Variants in PTPRK observed in about 807,000 individuals in gnomAD.
The protein encoded by PTPRK is protein tyrosine phosphatase receptor type K, also known as receptor-type tyrosine-protein phosphatase kappa.
Under a neutral mutation model 178.0 loss-of-function variants are expected in PTPRK, and 75 were observed. The ratio of observed to expected loss-of-function variants is 0.42; its 90% confidence interval spans 0.35 to 0.51. The LOEUF is 0.51. Among genes scored for constraint, PTPRK ranks in the 20% least tolerant of loss-of-function variants. The pLI, the probability that PTPRK is intolerant of heterozygous loss-of-function variation, is 0.02. For synonymous variants in PTPRK, 637 were observed against 620.6 expected, an observed-to-expected ratio of 1.03 and a Z score of -0.39; for missense variants, 1,441 against 1,797.8, an observed-to-expected ratio of 0.80 and a Z score of 3.59.
intron 5 of PTPRK, among the ~76,000 whole-genome samples, chr6:128,234,592 T>C (rs978560964): frequency 3.9e-5 from 6 of 152,258 alleles, no homozygotes; most frequent in Admixed American, 1.3e-4. Context: ...GACCTTTTTG[T>C]GTCTGTCCTC....
At chr6:128,145,860 T>C (rs996022174) in intron 7 of PTPRK, among the ~76,000 whole-genome samples, 2 of 152,222 alleles carry the variant, frequency 1.3e-5, no homozygotes, top group Admixed American at 6.5e-5. Context: ...CTGAAAGTTA[T>C]TAACTGATTT....
intron 7 of PTPRK, among the ~76,000 whole-genome samples, chr6:128,132,275 T>C (rs568711442): frequency 2.0e-4 from 31 of 152,134 alleles, no homozygotes; most frequent in Non-Finnish European, 4.4e-4. Context: ...GCCGGGTTCA[T>C]GCCATTCTCC....
intron 3 of PTPRK, among the ~76,000 whole-genome samples, chr6:128,282,984 C>T (rs1296157434): frequency 1.3e-5 from 2 of 152,132 alleles, no homozygotes; most frequent in East Asian, 1.9e-4. Context: ...ATATATGAGT[C>T]CTATGTGGAA....
intron 3 of PTPRK, among the ~76,000 whole-genome samples, chr6:128,278,102 C>T (rs1336283980): frequency 6.6e-6 from 1 of 151,626 alleles, no homozygotes; most frequent in East Asian, 1.9e-4. Flanking sequence ...GTAAAGGAAA[C>T]AATGCAGGTG....
chr6:128,345,353 G>C (rs1177161229), intron 2 of PTPRK, among the ~76,000 whole-genome samples: 1 of 152,030 alleles, frequency 6.6e-6, no homozygotes, highest in Non-Finnish European at 1.5e-5. Context: ...CAAAATCTCT[G>C]AGAGTGGCAT....
intron 3 of PTPRK, among the ~76,000 whole-genome samples, chr6:128,292,564 A>C (rs1035640549): frequency 6.6e-6 from 1 of 152,040 alleles, no homozygotes; most frequent in South Asian, 2.1e-4. Flanking sequence ...AGACACAAAG[A>C]AATATAACTC....
chr6:128,406,658 C>A (rs540580466), intron 1 of PTPRK, among the ~76,000 whole-genome samples: 2 of 152,216 alleles, frequency 1.3e-5, no homozygotes, highest in African/African-American at 2.4e-5. Context: ...ATGTCGGGGA[C>A]CTTTGCTCCC....
At chr6:128,482,262 T>C (rs1298288080) in intron 1 of PTPRK, among the ~76,000 whole-genome samples, 1 of 152,120 alleles carries the variant, frequency 6.6e-6, no homozygotes, top group Non-Finnish European at 1.5e-5. Context: ...AAGCCTACAG[T>C]GAATTTGGAA....
At chr6:128,445,408 T>C (rs1219709418) in intron 1 of PTPRK, among the ~76,000 whole-genome samples, 1 of 149,502 alleles carries the variant, frequency 6.7e-6, no homozygotes, top group Non-Finnish European at 1.5e-5. Flanking sequence ...AGCTGCTTCG[T>C]GACTTTTCAG....
rs1819097652 is a variant in PTPRK at position 128,267,215 on chromosome 6, T to A, written c.496-24613A>T. 2.0e-5 allele frequency among the ~76,000 whole-genome samples: 3 copies of A among 152,030 alleles called. No homozygotes were observed. In the South Asian group the frequency reaches 6.2e-4, roughly 31 times the overall value. ...TTATCTACCTGCCATAAATGCATCT[T>A]TAAACAGGCAAAAATGTAACTCATT... On this transcript the variant is annotated intron_variant, in intron 3 of 29. Transcript: ENST00000368226.
chr6:128,001,973 T>C (rs1321135290), intron 15 of PTPRK, among the ~76,000 whole-genome samples: 2 of 151,914 alleles, frequency 1.3e-5, no homozygotes, highest in Non-Finnish European at 2.9e-5. Flanking sequence ...GATCATGATT[T>C]ATGGCTCCTC....
rs572172485 is a variant in PTPRK, at chr6:128,061,301, T to C, written c.2194+3457A>G. ...AAGGTACTTTGTCCCAGACTACATTTGGAATGTTTTAAGTTTTCAAAAAAA... is the reference window on the plus strand; with the variant it reads ...AAGGTACTTTGTCCCAGACTACATTCGGAATGTTTTAAGTTTTCAAAAAAA... On this transcript the variant is annotated intron_variant, in intron 13 of 29. Transcript: ENST00000368226. Among the ~76,000 whole-genome samples the C allele has an allele frequency of 6.6e-5, 10 of 152,162 alleles. No homozygotes were observed. In the South Asian group the frequency reaches 2.1e-3, roughly 32 times the overall value.
intron 6 of PTPRK, among the ~76,000 whole-genome samples, chr6:128,197,492 T>C (rs1805092902): frequency 6.6e-6 from 1 of 152,128 alleles, no homozygotes. Context: ...AATTTGTACC[T>C]GGATATTTTG....
At chr6:128,386,442 C>T (rs562571658) in intron 2 of PTPRK, among the ~76,000 whole-genome samples, 1 of 152,172 alleles carries the variant, frequency 6.6e-6, no homozygotes, top group African/African-American at 2.4e-5. Flanking sequence ...AATAGTTAAT[C>T]CCTGGCAAGC....
chr6:128,307,160 AATAT>A (rs397888214), intron 3 of PTPRK, among the ~76,000 whole-genome samples: 1 of 142,340 alleles, frequency 7.0e-6, no homozygotes. Context: ...AAGAAAAAAA[AATAT>A]ATATATATAT....
chr6:128,450,193 T>C (rs1409466180), intron 1 of PTPRK, among the ~76,000 whole-genome samples: 4 of 151,554 alleles, frequency 2.6e-5, no homozygotes, highest in South Asian at 4.2e-4. Context: ...ACTTTGACAG[T>C]GGAGAAAAGT....
chr6:128,154,869 T>A (rs1797751445), intron 7 of PTPRK, among the ~76,000 whole-genome samples: 1 of 151,796 alleles, frequency 6.6e-6, no homozygotes, highest in African/African-American at 2.4e-5. Context: ...GATAGAAGAA[T>A]GTAACAAACC....
intron 7 of PTPRK, among the ~76,000 whole-genome samples, chr6:128,161,729 G>A (rs1438750693): frequency 1.3e-5 from 2 of 151,524 alleles, no homozygotes; most frequent in South Asian, 4.2e-4. Context: ...TTCAAAGTTT[G>A]ATTTTCAAGA....
intron 5 of PTPRK, among the ~76,000 whole-genome samples, chr6:128,238,330 T>G (rs909746410): frequency 2.0e-5 from 3 of 151,532 alleles, no homozygotes; most frequent in Non-Finnish European, 4.4e-5. Context: ...TGAAATGGAC[T>G]ATCTACAAAA....
Sources: allele counts gnomAD v4.1 joint callset (sites outside exome capture counted in the v4.1 genomes callset), GRCh38; gene constraint gnomAD v4.1.1; transcripts MANE v1.5; gene names NCBI Gene and HGNC (gene_info 2026-07-23, HGNC 2026-07-21).